GNB1: variants seen among roughly 807,000 people sequenced by gnomAD.
GNB1 encodes the protein guanine nucleotide-binding protein G(I)/G(S)/G(T) subunit beta-1.
In GNB1, 2 loss-of-function variants were observed where a neutral mutation model predicts 42.9. The ratio of observed to expected loss-of-function variants is 0.05; its 90% CI spans 0.02 to 0.15. The LOEUF (loss-of-function observed/expected upper bound fraction) is 0.15, where lower values mean the gene tolerates loss of function less well. Ranked by LOEUF, GNB1 falls within the 10% of genes least tolerant of loss-of-function variation. The pLI, the probability that GNB1 is intolerant of heterozygous loss-of-function variation, is 1.00. For missense variants in GNB1, 193 were observed against 462.2 expected, an observed-to-expected ratio of 0.42 and a Z score of 5.34; for synonymous variants, 183 against 174.7, an observed-to-expected ratio of 1.05 and a Z score of -0.38.
intron 1 of GNB1, among the ~76,000 whole-genome samples, chr1:1,850,157 T>C (rs1647903451): frequency 6.6e-6 from 1 of 150,652 alleles, no homozygotes; most frequent in Admixed American, 6.6e-5. Context: ...CCAGATGGAG[T>C]TTCTCTCTTG....
At chr1:1,857,166 A>AC (rs1648350420) in intron 1 of GNB1, among the ~76,000 whole-genome samples, 1 of 152,160 alleles carries the variant, frequency 6.6e-6, no homozygotes, top group Non-Finnish European at 1.5e-5. Flanking sequence ...CTTTACCCCC[A>AC]CTTCAAAAGT....
chr1:1,847,293 A>ACAACAAAATCCCTTTTT (rs146304107), intron 1 of GNB1, among the ~76,000 whole-genome samples: 10,783 of 152,262 alleles, frequency 0.071, 520 homozygotes, highest in Non-Finnish European at 0.11. Flanking sequence ...CAAGACTGGG[A>ACAACAAAATCCCTTTTT]CAACAAAATC....
intron 1 of GNB1, among the ~76,000 whole-genome samples, chr1:1,848,505 T>A (rs772800492): frequency 2.6e-5 from 4 of 152,030 alleles, no homozygotes; most frequent in Non-Finnish European, 5.9e-5. Flanking sequence ...ACCAATCCCA[T>A]CTCTTTCTCC....
chr1:1,871,891 T>A (rs1649270017), intron 1 of GNB1, among the ~76,000 whole-genome samples: 1 of 152,084 alleles, frequency 6.6e-6, no homozygotes, highest in Non-Finnish European at 1.5e-5. Flanking sequence ...TTAGTCTCCA[T>A]CCTCAGCCAA....
intron 2 of GNB1, among the ~76,000 whole-genome samples, chr1:1,827,409 C>T (rs574900789): frequency 5.9e-5 from 9 of 152,246 alleles, no homozygotes; most frequent in South Asian, 2.1e-4. Flanking sequence ...TTATTTGAAA[C>T]GGATGTTTTA....
chr1:1,855,427 C>T (rs988861013), intron 1 of GNB1, among the ~76,000 whole-genome samples: 4 of 152,000 alleles, frequency 2.6e-5, no homozygotes. Flanking sequence ...CCCGGCCGGG[C>T]GCGGTGGCTC....
chr1:1,822,605 G>A (rs1156644254), intron 3 of GNB1, among the ~76,000 whole-genome samples: 3 of 152,132 alleles, frequency 2.0e-5, no homozygotes, highest in East Asian at 1.9e-4. Context: ...GTCAGCCACC[G>A]CGCCCGACCT....
chr1:1,797,491 T>C (rs1310143709), intron 7 of GNB1, among the ~76,000 whole-genome samples: 2 of 151,916 alleles, frequency 1.3e-5, no homozygotes, highest in East Asian at 3.9e-4. Context: ...CAGGCTGGAG[T>C]GCAGTGGTGC....
intron 7 of GNB1, among the ~76,000 whole-genome samples, chr1:1,799,734 G>A (rs1048370091): frequency 2.0e-5 from 3 of 152,216 alleles, no homozygotes; most frequent in African/African-American, 7.2e-5. Flanking sequence ...GACATGGTTT[G>A]TTCTTAAGGA....
intron 1 of GNB1, among the ~76,000 whole-genome samples, chr1:1,885,873 A>G (rs1044396230): frequency 6.6e-6 from 1 of 151,186 alleles, no homozygotes; most frequent in African/African-American, 2.4e-5. Flanking sequence ...AATCTTAAAA[A>G]AAAAAAAAAG....
chr1:1,883,108 A>G (rs188466994), intron 1 of GNB1, among the ~76,000 whole-genome samples: 22 of 151,082 alleles, frequency 1.5e-4, no homozygotes, highest in African/African-American at 2.7e-4. Context: ...CTGTCTCTAC[A>G]AACAATAAAA....
At chr1:1,841,042 C>G (rs1647227473) in intron 1 of GNB1, among the ~76,000 whole-genome samples, 2 of 151,988 alleles carry the variant, frequency 1.3e-5, no homozygotes, top group Admixed American at 1.3e-4. Context: ...TAGGCACATG[C>G]CACCACTCCC....
chr1:1,842,540 C>G (rs1326709816), intron 1 of GNB1, among the ~76,000 whole-genome samples: 1 of 151,890 alleles, frequency 6.6e-6, no homozygotes, highest in African/African-American at 2.4e-5. Flanking sequence ...CACATATATA[C>G]AACCCCATTT....
chr1:1,873,458 G>C (rs1304327748), intron 1 of GNB1, among the ~76,000 whole-genome samples: 2 of 152,204 alleles, frequency 1.3e-5, no homozygotes, highest in Admixed American at 6.5e-5. Context: ...GCCCTTGCTA[G>C]CGTGGCCAGC....
intron 7 of GNB1, among the ~76,000 whole-genome samples, chr1:1,794,751 T>C (rs552751366): frequency 3.3e-5 from 5 of 152,286 alleles, no homozygotes; most frequent in African/African-American, 1.2e-4. Flanking sequence ...AGTGCAGTGA[T>C]GTGATCTCGG....
chr1:1,824,220 TCAGA>T (rs1646968035), intron 3 of GNB1, among the ~76,000 whole-genome samples: 1 of 152,176 alleles, frequency 6.6e-6, no homozygotes, highest in African/African-American at 2.4e-5. Flanking sequence ...ATCAGCAGTT[TCAGA>T]AAGGAAACAC....
At chr1:1,806,712 G>A (rs1012334134) in intron 5 of GNB1, among the ~76,000 whole-genome samples, 174 bp from the exon 6 acceptor site, 2 of 152,200 alleles carry the variant, frequency 1.3e-5, no homozygotes, top group African/African-American at 4.8e-5. Context: ...AGTTGCTCAC[G>A]TTTGTAATCC....
At chr1:1,801,307 C>T (rs1005636143) in intron 7 of GNB1, among the ~76,000 whole-genome samples, 4 of 152,184 alleles carry the variant, frequency 2.6e-5, no homozygotes, top group South Asian at 2.1e-4. Flanking sequence ...GGATTACAGG[C>T]GTGAGCCAAC....
chr1:1,879,182 C>T (rs192149154), intron 1 of GNB1, among the ~76,000 whole-genome samples: 2 of 152,296 alleles, frequency 1.3e-5, no homozygotes, highest in East Asian at 3.9e-4. Context: ...TCTCTGGTCC[C>T]CACAGGTGCC....
Sources: gnomAD v4.1 joint callset for allele counts (sites outside exome capture counted in the v4.1 genomes callset) on GRCh38, gnomAD v4.1.1 for gene constraint, MANE v1.5 for transcripts, NCBI Gene and HGNC (gene_info 2026-07-23, HGNC 2026-07-21) for gene names.